The following DUSP13B variants were observed in gnomAD, a reference collection of about 807,000 sequenced individuals.
The protein encoded by DUSP13B is dual specificity phosphatase 13B, also known as dual specificity protein phosphatase 13B.
At chr10:75,095,936 AG>A in the DUSP13B span, 4 of 744,564 alleles carry the variant, frequency 5.4e-6, no homozygotes, top group African/African-American at 7.0e-5. Context: ...CCCAGGGTGA[AG>A]GGGCTCCTCC....
chr10:75,104,744 C>T, the DUSP13B span, among the ~76,000 whole-genome samples: 1 of 152,136 alleles, frequency 6.6e-6, no homozygotes, highest in Non-Finnish European at 1.5e-5. Flanking sequence ...CCCCCAAACT[C>T]TAAACTTAGC....
the DUSP13B span, chr10:75,101,782 C>A: frequency 4.6e-6 from 4 of 875,850 alleles, no homozygotes; most frequent in African/African-American, 1.7e-5. Context: ...CCCCTCCCCA[C>A]ACAGGCACAA....
chr10:75,095,604 TA>T, the DUSP13B span: 1 of 1,614,116 alleles, frequency 6.2e-7, no homozygotes, highest in Non-Finnish European at 8.5e-7. Flanking sequence ...AGCTCGGATG[TA>T]TCGAGCAACA....
the DUSP13B span, among the ~76,000 whole-genome samples, chr10:75,098,873 C>G: frequency 1.3e-4 from 20 of 152,348 alleles, no homozygotes; most frequent in East Asian, 1.5e-3. Flanking sequence ...CCATACGGCT[C>G]ATGAGTAGCA....
At chr10:75,107,324 G>T in the DUSP13B span, among the ~76,000 whole-genome samples, 1 of 150,910 alleles carries the variant, frequency 6.6e-6, no homozygotes, top group Non-Finnish European at 1.5e-5. Context: ...TCCAGCTTGG[G>T]TAGCACTGAG....
the DUSP13B span, among the ~76,000 whole-genome samples, chr10:75,096,177 C>A: frequency 6.6e-6 from 1 of 152,028 alleles, no homozygotes; most frequent in Non-Finnish European, 1.5e-5. Flanking sequence ...ATCACTTAAA[C>A]CCAGGAGGCG....
the DUSP13B span, chr10:75,101,931 G>T: frequency 3.7e-6 from 5 of 1,367,810 alleles, no homozygotes; most frequent in Non-Finnish European, 4.9e-6. Flanking sequence ...CTGGCTTTCA[G>T]CCGCCTGTCT....
At chr10:75,108,269 G>A in the DUSP13B span, 1 of 1,532,818 alleles carries the variant, frequency 6.5e-7, no homozygotes. Flanking sequence ...GAGGGAGGCT[G>A]TGCCTGGCCC....
the DUSP13B span, chr10:75,107,969 T>G: frequency 6.3e-7 from 1 of 1,596,994 alleles, no homozygotes; most frequent in South Asian, 1.1e-5. Flanking sequence ...AGATGGGATA[T>G]GGGCTTGGAC....
chr10:75,100,428 G>T, the DUSP13B span, among the ~76,000 whole-genome samples: 1 of 152,126 alleles, frequency 6.6e-6, no homozygotes, highest in African/African-American at 2.4e-5. Context: ...CACCCCCCCA[G>T]GGACTCGTCC....
the DUSP13B span, chr10:75,108,208 C>G: frequency 6.3e-6 from 10 of 1,597,126 alleles, no homozygotes; most frequent in African/African-American, 1.2e-4. Context: ...TTTGCCGTGG[C>G]CCTGGGGAGG....
chr10:75,102,053 T>C, the DUSP13B span: 11 of 988,356 alleles, frequency 1.1e-5, no homozygotes, highest in Non-Finnish European at 1.6e-5. Flanking sequence ...ACTGGTTCCA[T>C]GGCATGGCCA....
the DUSP13B span, chr10:75,105,755 G>A: frequency 2.6e-6 from 4 of 1,553,458 alleles, no homozygotes; most frequent in Non-Finnish European, 3.5e-6. Flanking sequence ...CATCGGTGCT[G>A]CCTCACGGTG....
At chr10:75,100,182 C>T in the DUSP13B span, among the ~76,000 whole-genome samples, 9 of 152,120 alleles carry the variant, frequency 5.9e-5, no homozygotes, top group Admixed American at 5.2e-4. Flanking sequence ...CAGGCTCCAC[C>T]CCCAGGAGGC....
the DUSP13B span, among the ~76,000 whole-genome samples, chr10:75,101,660 T>C: frequency 1.3e-5 from 2 of 152,154 alleles, no homozygotes; most frequent in African/African-American, 4.8e-5. Context: ...CAGAGTCACA[T>C]AGCCAATTGA....
chr10:75,102,475 A>G, the DUSP13B span, among the ~76,000 whole-genome samples: 1 of 152,100 alleles, frequency 6.6e-6, no homozygotes, highest in Non-Finnish European at 1.5e-5. Context: ...AAAAGAAAAA[A>G]AGAGATAGTG....
At chr10:75,100,248 C>G in the DUSP13B span, among the ~76,000 whole-genome samples, 1 of 152,162 alleles carries the variant, frequency 6.6e-6, no homozygotes, top group East Asian at 1.9e-4. Flanking sequence ...CCTCTGCCTC[C>G]GAGGGGACCT....
the DUSP13B span, among the ~76,000 whole-genome samples, chr10:75,108,541 G>A: frequency 5.3e-5 from 8 of 152,106 alleles, no homozygotes; most frequent in East Asian, 7.7e-4. Flanking sequence ...GTCCTCCCAC[G>A]CATATCCGTC....
chr10:75,095,487 TG>T, the DUSP13B span: 2 of 1,246,760 alleles, frequency 1.6e-6, no homozygotes, highest in Non-Finnish European at 2.3e-6. Context: ...TTTGTCTCTC[TG>T]GACTCCCACC....
Sources: gnomAD v4.1 joint callset for allele counts (sites outside exome capture counted in the v4.1 genomes callset) on GRCh38, gnomAD v4.1.1 for gene constraint, MANE v1.5 for transcripts, NCBI Gene and HGNC (gene_info 2026-07-23, HGNC 2026-07-21) for gene names.